OCA2: variants seen among roughly 807,000 people sequenced by gnomAD.
OCA2 encodes the protein P protein.
A neutral mutation model predicts 100.2 loss-of-function variants in OCA2; 77 were observed. The ratio of observed to expected loss-of-function variants is 0.77; its 90% CI spans 0.64 to 0.93. The LOEUF is 0.93. OCA2 is among the 40% of genes least tolerant of loss of function. The pLI is 0.00. For synonymous variants in OCA2, 432 were observed against 439.2 expected, an observed-to-expected ratio of 0.98 and a Z score of 0.21; for missense variants, 1,062 against 1,089.1, an observed-to-expected ratio of 0.98 and a Z score of 0.35.
intron 23 of OCA2, among the ~76,000 whole-genome samples, chr15:27,812,571 T>G (rs1233516851): frequency 6.6e-6 from 1 of 152,250 alleles, no homozygotes; most frequent in Non-Finnish European, 1.5e-5. Context: ...TAAGCTGCAT[T>G]GTGAAATGAT....
chr15:27,954,086 C>T (rs1275658486), intron 17 of OCA2, among the ~76,000 whole-genome samples: 7 of 150,326 alleles, frequency 4.7e-5, no homozygotes, highest in African/African-American at 1.5e-4. Context: ...TATTTCATTC[C>T]TTTCTATGGC....
intron 23 of OCA2, among the ~76,000 whole-genome samples, chr15:27,770,374 C>T (rs549319202): frequency 6.6e-5 from 10 of 152,312 alleles, no homozygotes; most frequent in African/African-American, 1.9e-4. Context: ...GTTTCTCAGA[C>T]CTCCAGCCGT....
chr15:27,814,718 G>A (rs2034211177), intron 23 of OCA2, among the ~76,000 whole-genome samples: 1 of 152,038 alleles, frequency 6.6e-6, no homozygotes, highest in Admixed American at 6.6e-5. Flanking sequence ...TCTCTACCAA[G>A]AATACAAAAA....
chr15:27,968,116 G>C (rs2040640056), intron 14 of OCA2, among the ~76,000 whole-genome samples: 1 of 152,226 alleles, frequency 6.6e-6, no homozygotes, highest in South Asian at 2.1e-4. Context: ...CAGACGTCCT[G>C]GAGTAAGTCA....
At chr15:27,885,241 G>A (rs1199064697) in intron 19 of OCA2, among the ~76,000 whole-genome samples, 1 of 152,186 alleles carries the variant, frequency 6.6e-6, no homozygotes, top group Non-Finnish European at 1.5e-5. Flanking sequence ...CTATTAACAT[G>A]AAATTATTAT....
At chr15:28,022,395 G>T in intron 6 of OCA2, 106 bp downstream of exon 6, 1 of 817,292 alleles carries the variant, frequency 1.2e-6, no homozygotes, top group South Asian at 1.4e-5. Context: ...GAGTGGTAAT[G>T]GCCTGTGCCG....
At chr15:28,033,886 A>G (rs1046311556) in intron 2 of OCA2, among the ~76,000 whole-genome samples, 2 of 152,186 alleles carry the variant, frequency 1.3e-5, no homozygotes, top group Admixed American at 1.3e-4. Context: ...CCAAACAACC[A>G]GATGTTTTCT....
intron 19 of OCA2, among the ~76,000 whole-genome samples, chr15:27,875,405 T>C (rs1310871298): frequency 6.6e-6 from 1 of 152,304 alleles, no homozygotes; most frequent in East Asian, 1.9e-4. Context: ...TCTTGATTAC[T>C]ATAACTTTGT....
intron 14 of OCA2, among the ~76,000 whole-genome samples, chr15:27,972,820 G>GTTATTTTCTT (rs1202397391): frequency 4.4e-4 from 33 of 74,380 alleles, no homozygotes; most frequent in African/African-American, 9.3e-4. Flanking sequence ...TACTTTGATG[G>GTTATTTTCTT]TTATTTTATT....
intron 19 of OCA2, among the ~76,000 whole-genome samples, chr15:27,914,353 C>T (rs547573637): frequency 6.6e-6 from 1 of 152,224 alleles, no homozygotes; most frequent in South Asian, 2.1e-4. Flanking sequence ...TACTGGAAGT[C>T]CTAGCCAGAG....
chr15:28,070,638 G>T (rs1269582530), intron 2 of OCA2, among the ~76,000 whole-genome samples: 2 of 147,358 alleles, frequency 1.4e-5, no homozygotes, highest in Admixed American at 6.7e-5. Flanking sequence ...CCCTCTGCCC[G>T]GCCACCACCC....
At chr15:28,006,713 G>C (rs774082901) in intron 9 of OCA2, among the ~76,000 whole-genome samples, 13 of 152,222 alleles carry the variant, frequency 8.5e-5, no homozygotes, top group Non-Finnish European at 1.6e-4. Context: ...TATGCAATAT[G>C]TTCCATGAAT....
At chr15:28,041,522 C>T (rs1314503149) in intron 2 of OCA2, among the ~76,000 whole-genome samples, 3 of 152,106 alleles carry the variant, frequency 2.0e-5, no homozygotes, top group Non-Finnish European at 2.9e-5. Context: ...AAGTTCTAGC[C>T]AGAACAGGTG....
chr15:28,092,996 CA>C (rs370198894), intron 1 of OCA2, among the ~76,000 whole-genome samples: 146 of 146,090 alleles, frequency 1.0e-3, no homozygotes, highest in East Asian at 5.5e-3. Flanking sequence ...CAAAAGTAAA[CA>C]AAAAAAAAAG....
At chr15:28,010,855 C>T (rs200213697) in intron 9 of OCA2, among the ~76,000 whole-genome samples, 2 of 152,058 alleles carry the variant, frequency 1.3e-5, no homozygotes, top group South Asian at 2.1e-4. Context: ...ATTTGGAAAA[C>T]AAATGGCCAC....
rs145386581 is a variant in OCA2, at chr15:27,834,082, G to C, written c.2432+10877C>G. Among the ~76,000 whole-genome samples, 99 of 152,284 alleles carry C rather than the reference G, an allele frequency of 6.5e-4. 2 individuals carry two copies. Among genetic ancestry groups the C allele is most frequent in the African/African-American group, 2.3e-3 (96 of 41,562 alleles). ...GGGGCCCTAGATGGCTTCAGGAGGG[G>C]ACTGGTTGCCAGAAAGATCAAGGCA... On this transcript the variant is annotated intron_variant, in intron 23 of 23. Transcript: ENST00000354638.
At chr15:27,818,131 T>C (rs947617546) in intron 23 of OCA2, among the ~76,000 whole-genome samples, 7 of 152,206 alleles carry the variant, frequency 4.6e-5, no homozygotes, top group Non-Finnish European at 7.3e-5. Context: ...GGCTCACACC[T>C]GTAATCCCAG....
chr15:27,915,864 T>C (rs540639222), intron 19 of OCA2, among the ~76,000 whole-genome samples: 2 of 152,258 alleles, frequency 1.3e-5, no homozygotes, highest in African/African-American at 2.4e-5. Context: ...CAAAGGAATA[T>C]AAATCATTCT....
At chr15:27,776,357 C>T (rs2279728) in intron 23 of OCA2, 71,735 of 152,116 alleles carry the variant, frequency 0.47, 17,618 homozygotes, top group East Asian at 0.59. Flanking sequence ...TCCCACCTCA[C>T]GCCCACTCTC....
Sources: gnomAD v4.1 joint callset for allele counts (sites outside exome capture counted in the v4.1 genomes callset) on GRCh38, gnomAD v4.1.1 for gene constraint, MANE v1.5 for transcripts, NCBI Gene and HGNC (gene_info 2026-07-23, HGNC 2026-07-21) for gene names.